Variants in RAB38 observed in about 807,000 individuals in gnomAD.
The protein encoded by RAB38 is RAB38, member RAS oncogene family, also known as ras-related protein Rab-38.
In RAB38, 15 loss-of-function variants were observed where a neutral mutation model predicts 18.4. The observed-to-expected ratio is 0.82, with a 90% CI of 0.55 to 1.26. RAB38 has a LOEUF of 1.26. Ranked by LOEUF, RAB38 falls within the 50% of genes most tolerant of loss-of-function variation. The pLI is 0.00. For synonymous variants in RAB38, 101 were observed against 104.4 expected (o/e 0.97, Z 0.20); for missense variants, 294 against 267.4 (o/e 1.10, Z -0.69).
the RAB38 span, among the ~76,000 whole-genome samples, chr11:87,875,089 C>T: frequency 6.6e-6 from 1 of 151,434 alleles, no homozygotes; most frequent in Non-Finnish European, 1.5e-5. Flanking sequence ...GAGGAATAAT[C>T]TTTTAGATCT....
the RAB38 span, among the ~76,000 whole-genome samples, chr11:87,863,524 A>AC: frequency 6.6e-6 from 1 of 151,540 alleles, no homozygotes; most frequent in African/African-American, 2.4e-5. Flanking sequence ...CAGACCTAGG[A>AC]CAGAATTTGC....
the RAB38 span, among the ~76,000 whole-genome samples, chr11:88,078,519 G>GTGTGTGTGTGTGTGTGTGTGTGTT: frequency 6.6e-6 from 1 of 152,026 alleles, no homozygotes; most frequent in African/African-American, 2.4e-5. Flanking sequence ...GTGTGTGTGT[G>GTGTGTGTGTGTGTGTGTGTGTGTT]TACAGTGGAA....
At chr11:88,130,340 G>T (rs778133611) in intron 2 of RAB38, among the ~76,000 whole-genome samples, 1 of 152,156 alleles carries the variant, frequency 6.6e-6, no homozygotes, top group Non-Finnish European at 1.5e-5. Context: ...GATTCGAGCG[G>T]TGTCTGAACT....
the RAB38 span, among the ~76,000 whole-genome samples, chr11:87,972,568 C>T: frequency 6.6e-6 from 1 of 151,962 alleles, no homozygotes; most frequent in Non-Finnish European, 1.5e-5. Context: ...CTCTGAAGTA[C>T]AATAGACCCA....
At chr11:88,137,206 C>T (rs1375251606) in intron 2 of RAB38, among the ~76,000 whole-genome samples, 2 of 152,306 alleles carry the variant, frequency 1.3e-5, no homozygotes, top group African/African-American at 4.8e-5. Flanking sequence ...TTCAACAAGC[C>T]TTTCTAGACA....
chr11:88,070,991 A>T, the RAB38 span, among the ~76,000 whole-genome samples: 1 of 152,214 alleles, frequency 6.6e-6, no homozygotes, highest in Non-Finnish European at 1.5e-5. Context: ...GGCTAATATG[A>T]ACGTTTAAAA....
At chr11:87,896,039 T>G in the RAB38 span, among the ~76,000 whole-genome samples, 4 of 151,846 alleles carry the variant, frequency 2.6e-5, no homozygotes, top group African/African-American at 7.2e-5. Flanking sequence ...AAAATGTTAT[T>G]TATTTGGATA....
At chr11:87,911,081 C>G in the RAB38 span, among the ~76,000 whole-genome samples, 2 of 151,946 alleles carry the variant, frequency 1.3e-5, no homozygotes, top group African/African-American at 2.4e-5. Context: ...AGTCAACTGA[C>G]CATATATGTG....
chr11:87,967,906 G>A, the RAB38 span, among the ~76,000 whole-genome samples: 20 of 152,134 alleles, frequency 1.3e-4, no homozygotes, highest in African/African-American at 4.8e-4. Flanking sequence ...GCATGCGGGA[G>A]GTGTTGGGTG....
the RAB38 span, among the ~76,000 whole-genome samples, chr11:87,832,781 T>A: frequency 3.4e-5 from 3 of 88,532 alleles, no homozygotes; most frequent in African/African-American, 2.5e-4. Flanking sequence ...ATCACTCAGG[T>A]GGATCACTCA....
the RAB38 span, among the ~76,000 whole-genome samples, chr11:87,862,512 G>A: frequency 6.6e-6 from 1 of 151,898 alleles, no homozygotes; most frequent in African/African-American, 2.4e-5. Flanking sequence ...CTATCAGAGG[G>A]TAGAGGGTGG....
the RAB38 span, among the ~76,000 whole-genome samples, chr11:88,004,380 C>T: frequency 6.6e-6 from 1 of 150,974 alleles, no homozygotes; most frequent in African/African-American, 2.4e-5. Flanking sequence ...AAATCAAGAG[C>T]AACAGGATCA....
the RAB38 span, among the ~76,000 whole-genome samples, chr11:87,922,153 C>T: frequency 6.6e-6 from 1 of 151,940 alleles, no homozygotes; most frequent in African/African-American, 2.4e-5. Context: ...ACTCCACTTC[C>T]ATCCCAAGAT....
At chr11:88,048,823 T>G in the RAB38 span, among the ~76,000 whole-genome samples, 1 of 152,198 alleles carries the variant, frequency 6.6e-6, no homozygotes, top group Non-Finnish European at 1.5e-5. Flanking sequence ...CTAAAGTCCC[T>G]CTTAAAGTAA....
chr11:88,146,419 C>T (rs1403170845), intron 2 of RAB38, among the ~76,000 whole-genome samples: 1 of 152,144 alleles, frequency 6.6e-6, no homozygotes, highest in African/African-American at 2.4e-5. Flanking sequence ...TATGTCGTCA[C>T]TCAAAAGGAC....
intron 1 of RAB38, among the ~76,000 whole-genome samples, chr11:88,164,135 T>C: frequency 6.6e-6 from 1 of 152,160 alleles, no homozygotes; most frequent in East Asian, 1.9e-4. Flanking sequence ...CCAGTCAGTA[T>C]CCATTAAATA....
chr11:87,971,925 T>A, the RAB38 span, among the ~76,000 whole-genome samples: 1,528 of 129,238 alleles, frequency 0.012, 7 homozygotes, highest in Non-Finnish European at 0.013. Flanking sequence ...TAAAAGCGTT[T>A]TTTTTTTTTT....
intron 1 of RAB38, 56 bp from the exon 2 acceptor site, chr11:88,150,011 A>G: frequency 2.0e-6 from 3 of 1,532,416 alleles, no homozygotes; most frequent in Middle Eastern, 1.8e-4. Context: ...ACTGAATCAT[A>G]TTATAACTTC....
chr11:88,032,870 T>C, the RAB38 span, among the ~76,000 whole-genome samples: 1 of 152,224 alleles, frequency 6.6e-6, no homozygotes, highest in Admixed American at 6.5e-5. Flanking sequence ...AGCCATCCCA[T>C]TACTGGGTAT....
Sources: allele counts gnomAD v4.1 joint callset (sites outside exome capture counted in the v4.1 genomes callset), GRCh38; gene constraint gnomAD v4.1.1; transcripts MANE v1.5; gene names NCBI Gene and HGNC (gene_info 2026-07-23, HGNC 2026-07-21).